The following CACNA2D3 variants were observed in gnomAD, a reference collection of about 807,000 sequenced individuals.
The protein encoded by CACNA2D3 is voltage-dependent calcium channel subunit alpha-2/delta-3.
CACNA2D3 carries 60 observed loss-of-function variants against 160.6 expected under a neutral mutation model. The ratio of observed to expected loss-of-function variants is 0.37; its 90% CI spans 0.30 to 0.46. CACNA2D3 has a LOEUF of 0.46. Among genes scored for constraint, CACNA2D3 ranks in the 20% least tolerant of loss-of-function variants. The probability of loss-of-function intolerance (pLI) is 1.00; values close to 1 mark genes in which losing one functional copy is unlikely to be tolerated. For missense variants in CACNA2D3, 1,205 were observed against 1,365.0 expected (o/e 0.88, Z 1.85); for synonymous variants, 558 against 492.9 (o/e 1.13, Z -1.75).
chr3:54,819,328 G>A (rs953245638), intron 14 of CACNA2D3, among the ~76,000 whole-genome samples: 49 of 152,174 alleles, frequency 3.2e-4, no homozygotes, highest in African/African-American at 1.1e-3. Context: ...CCTGTTCCTC[G>A]CACAGAGCCT....
intron 11 of CACNA2D3, among the ~76,000 whole-genome samples, chr3:54,710,870 T>G (rs1700940127): frequency 6.6e-6 from 1 of 152,238 alleles, no homozygotes; most frequent in South Asian, 2.1e-4. Flanking sequence ...TTAGAATATT[T>G]AATTAAATCT....
At chr3:54,238,212 T>C (rs1204914419) in intron 2 of CACNA2D3, among the ~76,000 whole-genome samples, 1 of 152,256 alleles carries the variant, frequency 6.6e-6, no homozygotes, top group Non-Finnish European at 1.5e-5. Flanking sequence ...CCTCAATGTA[T>C]GTTTGTAACT....
intron 2 of CACNA2D3, among the ~76,000 whole-genome samples, chr3:54,198,209 C>T (rs1311044073): frequency 6.6e-6 from 1 of 152,204 alleles, no homozygotes; most frequent in Non-Finnish European, 1.5e-5. Flanking sequence ...TAAAAGAGCC[C>T]CCATCCTCTA....
chr3:54,166,426 C>A, intron 2 of CACNA2D3, among the ~76,000 whole-genome samples: 1 of 152,108 alleles, frequency 6.6e-6, no homozygotes, highest in East Asian at 1.9e-4. Context: ...AGAAAATTAC[C>A]CTTCTGTCCA....
intron 31 of CACNA2D3, among the ~76,000 whole-genome samples, chr3:55,000,916 G>T (rs1212920289): frequency 1.3e-5 from 2 of 152,166 alleles, no homozygotes; most frequent in Non-Finnish European, 2.9e-5. Flanking sequence ...CTGCTTCTGA[G>T]CAGAGAGCAA....
At chr3:54,978,248 C>CTG (rs1212021452) in intron 29 of CACNA2D3, among the ~76,000 whole-genome samples, 1 of 152,202 alleles carries the variant, frequency 6.6e-6, no homozygotes, top group Admixed American at 6.5e-5. Flanking sequence ...TACCCAGCCC[C>CTG]TATTCAAGAT....
chr3:54,494,353 G>T (rs1160096370), intron 4 of CACNA2D3, among the ~76,000 whole-genome samples: 1 of 152,186 alleles, frequency 6.6e-6, no homozygotes, highest in Non-Finnish European at 1.5e-5. Context: ...AGGAGAAGCA[G>T]AACACACAAT....
intron 2 of CACNA2D3, among the ~76,000 whole-genome samples, chr3:54,254,293 G>A (rs1322454915): frequency 2.6e-5 from 4 of 152,162 alleles, no homozygotes; most frequent in Non-Finnish European, 5.9e-5. Flanking sequence ...TGAAGATAGA[G>A]TGGTTCATTA....
At chr3:54,369,287 G>T (rs1476789516) in intron 3 of CACNA2D3, among the ~76,000 whole-genome samples, 1 of 151,906 alleles carries the variant, frequency 6.6e-6, no homozygotes, top group Admixed American at 6.6e-5. Context: ...AAAAAACAGT[G>T]GTATAGAGTA....
In CACNA2D3 at chr3:54,885,602, A is replaced by G. The variant is rs377550033; in HGVS notation, c.2056+16A>G. ...CTGCTCCAGTGTGAGTATGCTTTCA[A>G]AAGTGTGCTGTGCCTTCAGGGGTGA... On this transcript the variant is annotated intron_variant, in intron 23 of 37. Coordinates refer to ENST00000474759, the MANE Select transcript of CACNA2D3 (RefSeq NM_018398.3). 6.3e-6 allele frequency: 10 copies of G among 1,596,556 alleles called. No homozygotes were observed. Among genetic ancestry groups the G allele is most frequent in the Non-Finnish European group, 8.6e-6 (10 of 1,166,252 alleles).
chr3:54,497,242 T>A (rs979536747), intron 4 of CACNA2D3, among the ~76,000 whole-genome samples: 1 of 151,256 alleles, frequency 6.6e-6, no homozygotes, highest in African/African-American at 2.4e-5. Flanking sequence ...TTGAGCAAGC[T>A]ATCTCTCTCC....
intron 35 of CACNA2D3, among the ~76,000 whole-genome samples, chr3:55,053,788 C>T (rs1371134759): frequency 6.6e-6 from 1 of 151,940 alleles, no homozygotes. Context: ...TCTTGCCTTA[C>T]TGCACAGGCT....
chr3:54,284,637 G>A (rs1702964248), intron 2 of CACNA2D3, among the ~76,000 whole-genome samples: 1 of 152,152 alleles, frequency 6.6e-6, no homozygotes, highest in Admixed American at 6.5e-5. Flanking sequence ...TGAACAGTGT[G>A]AGAATAAAGT....
intron 4 of CACNA2D3, among the ~76,000 whole-genome samples, chr3:54,500,700 A>G (rs2106940513): frequency 6.6e-6 from 1 of 151,418 alleles, no homozygotes; most frequent in African/African-American, 2.4e-5. Context: ...CTCTCTTAGC[A>G]TATAAATTAT....
In CACNA2D3 at chr3:55,063,390, G is replaced by GAA. The variant is rs5849070; in HGVS notation, c.2988-10043_2988-10042dup. Among the ~76,000 whole-genome samples the GAA allele has an allele frequency of 7.2e-3, 875 of 122,150 alleles. 7 individuals carry two copies. Among genetic ancestry groups the GAA allele is most frequent in the African/African-American group, 0.023 (815 of 35,618 alleles). 80.1% of individuals were successfully genotyped at this position (122,150 alleles called of 152,430 possible). On this transcript the variant is annotated intron_variant, in intron 35 of 37. Transcript: ENST00000474759. ...TTGGAATCACTCCAGAAGCTTAAAA[G>GAA]AAAAAAAAAAAAAGATGCCTTGGTC... is the stretch of plus-strand genomic sequence containing the variant.
chr3:54,686,152 GGCCT>G (rs1700445586), intron 11 of CACNA2D3, among the ~76,000 whole-genome samples: 1 of 152,214 alleles, frequency 6.6e-6, no homozygotes, highest in Non-Finnish European at 1.5e-5. Flanking sequence ...GGCCAAGTCT[GGCCT>G]GCTGCCTATT....
At chr3:54,254,063 C>T (rs920993229) in intron 2 of CACNA2D3, among the ~76,000 whole-genome samples, 1 of 152,152 alleles carries the variant, frequency 6.6e-6, no homozygotes, top group Non-Finnish European at 1.5e-5. Context: ...CTGCGCCCGG[C>T]CGATTTCCTG....
At chr3:54,885,667 G>T (rs1699907257) in intron 23 of CACNA2D3, 81 bp downstream of exon 23, 3 of 957,330 alleles carry the variant, frequency 3.1e-6, no homozygotes, top group Admixed American at 2.0e-5. Context: ...GGCCTCACTT[G>T]TTAAGGGAAG....
chr3:54,569,820 T>C lies in CACNA2D3; in HGVS notation c.702T>C (p.Asn234=). 1 of 1,605,650 alleles carries C rather than the reference T, an allele frequency of 6.2e-7. No homozygotes were observed. The highest frequency in any genetic ancestry group is 8.5e-7 in the Non-Finnish European group (1 of 1,175,668). The change falls in exon 7 of 38, where the codon AAT becomes AAC. Residue 234 remains asparagine, a synonymous_variant. Transcript: ENST00000474759. Reference sequence around the variant, plus strand: ...GGATTAAATGGGAACCAGATGAGAATGGAGTCATTGCCTTCGACTGCAGGA... The same window carrying C: ...GGATTAAATGGGAACCAGATGAGAACGGAGTCATTGCCTTCGACTGCAGGA... The part of the protein sequence containing the change: ...YPGIKWEPDE[N]GVIAFDCRNR...
Sources: gnomAD v4.1 joint callset for allele counts (sites outside exome capture counted in the v4.1 genomes callset) on GRCh38, gnomAD v4.1.1 for gene constraint, MANE v1.5 for transcripts, NCBI Gene and HGNC (gene_info 2026-07-23, HGNC 2026-07-21) for gene names.